The following MNS1 variants were observed in gnomAD, a reference collection of about 807,000 sequenced individuals.
MNS1 encodes the protein meiosis specific nuclear structural 1.
A neutral mutation model predicts 72.0 loss-of-function variants in MNS1; 63 were observed. The ratio of observed to expected loss-of-function variants is 0.87; its 90% confidence interval spans 0.71 to 1.08. The LOEUF is 1.08. Ranked by LOEUF, MNS1 falls within the 50% of genes least tolerant of loss-of-function variation. The pLI is 0.00. For missense variants in MNS1, 604 were observed against 562.4 expected, an observed-to-expected ratio of 1.07 and a Z score of -0.75; for synonymous variants, 188 against 172.1, an observed-to-expected ratio of 1.09 and a Z score of -0.72.
At position 56,441,966 on chromosome 15, in the gene MNS1, G is replaced by A. The variant is rs533844675; in HGVS notation, c.1011+1464C>T. Among the ~76,000 whole-genome samples the A allele has an allele frequency of 2.6e-4, 39 of 152,116 alleles. No homozygotes were observed. The South Asian group carries it at 7.9e-3, about 31-fold the overall frequency. ...ACCCGGGAGGCATAGCTTGCAGTGA[G>A]CCGAGATCACGCCACTGCACTCCAA... On this transcript the variant is annotated intron_variant, in intron 7 of 9. Transcript: ENST00000260453.
Position 56,464,965 on chromosome 15 carries a change from C to T in MNS1, c.3+5G>A, listed in dbSNP as rs369739491. ...AAGTAGTTTCAAGTCCCCCAACTGG[C>T]TCACCATCTTGGCTGACGAAAAATA... On this transcript the variant is annotated splice_donor_5th_base_variant and intron_variant, in intron 1 of 9. Transcript: ENST00000260453. The T allele has an allele frequency of 6.2e-7, 1 of 1,611,696 alleles. No homozygotes were observed. The highest frequency in any genetic ancestry group is 8.5e-7 in the Non-Finnish European group (1 of 1,179,148).
In MNS1 at chr15:56,445,079, T is replaced by C. The variant is rs1212426138; in HGVS notation, c.457-406A>G. ...TTGTTTATCAGCTGCTATTTAAAGATGGTACTGCCTCTTTCTTACAGGTCT... is the reference window on the plus strand; with the variant it reads ...TTGTTTATCAGCTGCTATTTAAAGACGGTACTGCCTCTTTCTTACAGGTCT... On this transcript the variant is annotated intron_variant, in intron 4 of 9. Coordinates refer to ENST00000260453, the MANE Select transcript of MNS1 (RefSeq NM_018365.4). 5.3e-5 allele frequency among the ~76,000 whole-genome samples: 8 copies of C among 152,180 alleles called. 1 individual carries two copies. Among genetic ancestry groups the C allele is most frequent in the Admixed American group, 2.6e-4 (4 of 15,290 alleles).
chr15:56,438,502 A>T (rs11854726), intron 7 of MNS1, among the ~76,000 whole-genome samples: 42,960 of 152,004 alleles, frequency 0.28, 6,826 homozygotes, highest in Middle Eastern at 0.47. Flanking sequence ...TTCAGGATGG[A>T]TTAAAGACTT....
intron 9 of MNS1, among the ~76,000 whole-genome samples, chr15:56,430,535 G>A (rs1334246593): frequency 6.6e-6 from 1 of 152,140 alleles, no homozygotes; most frequent in Non-Finnish European, 1.5e-5. Flanking sequence ...GTCACAGTGT[G>A]TCTCAGGTAT....
chr15:56,444,780 A>G lies in MNS1; in HGVS notation c.457-107T>C, dbSNP rs2050879557. On this transcript the variant is annotated intron_variant, in intron 4 of 9. Transcript: ENST00000260453. ...TATTATAAAGTCTTTTACATAAAAT[A>G]AATTTTTTCATCTGTCTAGGTTAAA... 8.9e-6 allele frequency: 9 copies of G among 1,014,718 alleles called. No individual in the cohort carries two copies. The South Asian group carries it at 1.5e-4, about 17-fold the overall frequency. The allele number at this position is 1,014,718 out of a possible 1,614,324, so 62.9% of individuals were successfully genotyped here.
At chr15:56,461,899 A>G (rs1009594145) in intron 2 of MNS1, among the ~76,000 whole-genome samples, 7 of 150,894 alleles carry the variant, frequency 4.6e-5, no homozygotes, top group Non-Finnish European at 7.4e-5. Flanking sequence ...CCAATTCCTT[A>G]CTCTGAAAAT....
Position 56,447,937 on chromosome 15 carries a change from A to G in MNS1, c.354-994T>C, listed in dbSNP as rs74696353. On this transcript the variant is annotated intron_variant, in intron 3 of 9. Coordinates refer to ENST00000260453, the MANE Select transcript of MNS1 (RefSeq NM_018365.4). ...ATTTTTCTCTGGCTTCTTTCACTCA[A>G]TATTTTCAAATACATCCATTTATTG... Among the ~76,000 whole-genome samples the G allele has an allele frequency of 2.4e-3, 372 of 152,258 alleles. 1 individual carries two copies. The highest frequency in any genetic ancestry group is 0.019 in the East Asian group (101 of 5,190).
At chr15:56,448,993 G>T (rs1196664256) in intron 3 of MNS1, among the ~76,000 whole-genome samples, 3 of 152,102 alleles carry the variant, frequency 2.0e-5, no homozygotes, top group Non-Finnish European at 4.4e-5. Flanking sequence ...GACCTCAGGT[G>T]ATCCACCTGC....
chr15:56,441,973 T>C (rs564072232), intron 7 of MNS1, among the ~76,000 whole-genome samples: 22 of 151,824 alleles, frequency 1.4e-4, no homozygotes, highest in Non-Finnish European at 2.6e-4. Context: ...TGAGCCGAGA[T>C]CACGCCACTG....
chr15:56,430,618 G>A lies in MNS1; in HGVS notation c.1395+755C>T, dbSNP rs1468378892. 1.3e-5 allele frequency among the ~76,000 whole-genome samples: 2 copies of A among 152,224 alleles called. 1 individual carries two copies. Among genetic ancestry groups the A allele is most frequent in the African/African-American group, 4.8e-5 (2 of 41,458 alleles). ...AGTTATAACTTCCTACTGTAGAGCA[G>A]ATCTGTCTCAAGCTCAGTTCAACCA... is the stretch of plus-strand genomic sequence containing the variant. On this transcript the variant is annotated intron_variant, in intron 9 of 9. Coordinates refer to ENST00000260453, the MANE Select transcript of MNS1 (RefSeq NM_018365.4).
intron 3 of MNS1, among the ~76,000 whole-genome samples, chr15:56,454,304 C>A (rs765391185): frequency 7.2e-5 from 11 of 152,120 alleles, no homozygotes; most frequent in Non-Finnish European, 1.5e-4. Context: ...CTAATCATAT[C>A]ATGGAAAATG....
intron 3 of MNS1, among the ~76,000 whole-genome samples, chr15:56,448,584 T>C (rs1302234001): frequency 6.6e-6 from 1 of 152,176 alleles, no homozygotes; most frequent in Non-Finnish European, 1.5e-5. Context: ...TTTATGTCTG[T>C]AGAGTATTCC....
chr15:56,450,565 T>C (rs1946331124), intron 3 of MNS1, among the ~76,000 whole-genome samples: 1 of 152,200 alleles, frequency 6.6e-6, no homozygotes, highest in Admixed American at 6.5e-5. Context: ...TTCACTAATA[T>C]TTTAGCATGT....
intron 4 of MNS1, among the ~76,000 whole-genome samples, chr15:56,446,158 A>G (rs1193701610): frequency 1.3e-5 from 2 of 151,944 alleles, no homozygotes; most frequent in African/African-American, 2.4e-5. Context: ...GTGTGTGTAC[A>G]TATGTTTATG....
At chr15:56,441,464 T>G (rs1087838) in intron 7 of MNS1, among the ~76,000 whole-genome samples, 13,607 of 152,180 alleles carry the variant, frequency 0.089, 1,353 homozygotes, top group East Asian at 0.46. Context: ...TAATGAGAAC[T>G]GTGCATTGAA....
At chr15:56,446,587 T>TA (rs1172529069) in intron 4 of MNS1, among the ~76,000 whole-genome samples, 1 of 139,082 alleles carries the variant, frequency 7.2e-6, no homozygotes, top group African/African-American at 2.5e-5. Flanking sequence ...AATAATCAGT[T>TA]AGAGACTATA....
chr15:56,439,254 A>G (rs1183897952), intron 7 of MNS1, among the ~76,000 whole-genome samples: 3 of 152,156 alleles, frequency 2.0e-5, no homozygotes, highest in Non-Finnish European at 4.4e-5. Flanking sequence ...GAGAATCCTG[A>G]TGAAAAAATT....
intron 9 of MNS1, among the ~76,000 whole-genome samples, chr15:56,430,535 G>T (rs1334246593): frequency 6.6e-6 from 1 of 152,140 alleles, no homozygotes; most frequent in Non-Finnish European, 1.5e-5. Flanking sequence ...GTCACAGTGT[G>T]TCTCAGGTAT....
chr15:56,449,815 A>G (rs1596265673), intron 3 of MNS1, among the ~76,000 whole-genome samples: 1 of 152,232 alleles, frequency 6.6e-6, no homozygotes, highest in East Asian at 1.9e-4. Flanking sequence ...TATTTCATTT[A>G]CATTTTCAAA....
Sources: allele counts gnomAD v4.1 joint callset (sites outside exome capture counted in the v4.1 genomes callset), GRCh38; gene constraint gnomAD v4.1.1; transcripts MANE v1.5; gene names NCBI Gene and HGNC (gene_info 2026-07-23, HGNC 2026-07-21).